MIPOL1: variants seen among roughly 807,000 people sequenced by gnomAD.
The protein encoded by MIPOL1 is mirror-image polydactyly gene 1 protein.
MIPOL1 carries 57 observed loss-of-function variants against 60.9 expected under a neutral mutation model. The ratio of observed to expected loss-of-function variants is 0.94; its 90% CI spans 0.76 to 1.17. The LOEUF is 1.17. MIPOL1 is among the 50% of genes most tolerant of loss of function. The pLI, the probability that MIPOL1 is intolerant of heterozygous loss-of-function variation, is 0.00. For synonymous variants in MIPOL1, 179 were observed against 168.8 expected (o/e 1.06, Z -0.47); for missense variants, 551 against 511.6 (o/e 1.08, Z -0.74).
intron 6 of MIPOL1, among the ~76,000 whole-genome samples, 153 bp from the exon 7 acceptor site, chr14:37,285,165 A>G (rs1471737382): frequency 1.3e-5 from 2 of 152,202 alleles, no homozygotes; most frequent in East Asian, 3.8e-4. Flanking sequence ...CCTATTATTA[A>G]AAATAATATT....
At chr14:37,441,237 T>C (rs2094239748) in intron 11 of MIPOL1, among the ~76,000 whole-genome samples, 1 of 152,172 alleles carries the variant, frequency 6.6e-6, no homozygotes. Flanking sequence ...AGCTTTTTAG[T>C]TTAATCAAGT....
At position 37,291,968 on chromosome 14, in the gene MIPOL1, C is replaced by G. The variant is rs565161488; in HGVS notation, c.623+6521C>G. Among the ~76,000 whole-genome samples the G allele has an allele frequency of 8.5e-3, 1,211 of 141,702 alleles. 16 individuals are homozygous for G. The highest frequency in any genetic ancestry group is 0.029 in the African/African-American group (1,080 of 37,454). The allele number at this position is 141,702 out of a possible 152,430, so 93.0% of individuals were successfully genotyped here. ...AGAGAAGGAGTCTCACTCTGTCACCCAGGCTGGAGTGCAATGGTGCAATCT... is the reference window on the plus strand; with the variant it reads ...AGAGAAGGAGTCTCACTCTGTCACCGAGGCTGGAGTGCAATGGTGCAATCT... On this transcript the variant is annotated intron_variant, in intron 7 of 12. Transcript: ENST00000684589.
At chr14:37,297,163 A>G (rs1239044667) in intron 7 of MIPOL1, among the ~76,000 whole-genome samples, 3 of 152,236 alleles carry the variant, frequency 2.0e-5, no homozygotes, top group African/African-American at 4.8e-5. Context: ...ACGCAAATCA[A>G]TAAACATAAT....
chr14:37,502,749 A>T (rs1477308851), intron 12 of MIPOL1: 1 of 152,244 alleles, frequency 6.6e-6, no homozygotes, highest in Non-Finnish European at 1.5e-5. Flanking sequence ...CAGCAATGGA[A>T]CAAAGCTAGA....
In MIPOL1 at chr14:37,275,879, A is replaced by G. The variant is rs1346008376; in HGVS notation, c.493+5354A>G. The stretch of plus-strand genomic sequence containing the variant: ...GCATGGAGAGATTATGAATGACAGA[A>G]CAACTCCTGTAGAATAATAATCAGT... On this transcript the variant is annotated intron_variant, in intron 6 of 12. Coordinates refer to ENST00000684589, the MANE Select transcript of MIPOL1 (RefSeq NM_001388067.1). 4.6e-5 allele frequency among the ~76,000 whole-genome samples: 7 copies of G among 151,274 alleles called. No individual in the cohort carries two copies. The South Asian group carries it at 1.2e-3, about 27-fold the overall frequency.
chr14:37,200,106 G>A (rs576338624), intron 1 of MIPOL1, among the ~76,000 whole-genome samples: 17 of 152,266 alleles, frequency 1.1e-4, no homozygotes, highest in Admixed American at 4.6e-4. Context: ...TGTGTTTACT[G>A]GCATTTGGAT....
At chr14:37,258,693 G>A (rs1233080316) in intron 3 of MIPOL1, among the ~76,000 whole-genome samples, 1 of 152,036 alleles carries the variant, frequency 6.6e-6, no homozygotes, top group Admixed American at 6.6e-5. Flanking sequence ...GCCTTCATAT[G>A]GTGAAGGATG....
chr14:37,440,199 A>C (rs752444552), intron 11 of MIPOL1, among the ~76,000 whole-genome samples: 1 of 152,274 alleles, frequency 6.6e-6, no homozygotes. Context: ...AAAACTTCCA[A>C]TTGTTTCATG....
At chr14:37,465,274 A>C (rs1044658757) in intron 11 of MIPOL1, among the ~76,000 whole-genome samples, 1 of 152,188 alleles carries the variant, frequency 6.6e-6, no homozygotes, top group African/African-American at 2.4e-5. Flanking sequence ...AAAGTGATAC[A>C]ATACTGAAAT....
rs150193479 is a variant in MIPOL1 at position 37,198,817 on chromosome 14, A to G, written c.-199+713A>G. On this transcript the variant is annotated intron_variant, in intron 1 of 12. Coordinates refer to ENST00000684589, the MANE Select transcript of MIPOL1 (RefSeq NM_001388067.1). ...CCAAAACAAAGGGCCAAACAAAACT[A>G]CATTTCAAGGAGGTGTTCTTTTCTT... Among the ~76,000 whole-genome samples the G allele has an allele frequency of 6.4e-3, 972 of 152,304 alleles. 14 individuals are homozygous for G. The highest frequency in any genetic ancestry group is 0.022 in the African/African-American group (922 of 41,564).
chr14:37,370,558 A>G (rs1280777604), intron 10 of MIPOL1, among the ~76,000 whole-genome samples: 3 of 152,198 alleles, frequency 2.0e-5, no homozygotes, highest in Non-Finnish European at 2.9e-5. Context: ...CTAAGCTGGA[A>G]TCATGTACCA....
intron 10 of MIPOL1, among the ~76,000 whole-genome samples, chr14:37,373,228 C>T (rs529240619): frequency 6.6e-6 from 1 of 152,204 alleles, no homozygotes; most frequent in South Asian, 2.1e-4. Context: ...GTCTCGAGCT[C>T]CTGGCCTCAA....
At chr14:37,507,421 G>A (rs770269363) in intron 12 of MIPOL1, 5 of 152,124 alleles carry the variant, frequency 3.3e-5, no homozygotes, top group Non-Finnish European at 5.9e-5. Context: ...ATACTATGCA[G>A]CCATAAAAAA....
intron 11 of MIPOL1, among the ~76,000 whole-genome samples, chr14:37,455,652 CCAGT>C (rs1165590813): frequency 6.6e-6 from 1 of 152,044 alleles, no homozygotes; most frequent in Non-Finnish European, 1.5e-5. Context: ...CTCTCATTCA[CCAGT>C]CAAATTAGGT....
chr14:37,515,556 C>G (rs901280030), intron 12 of MIPOL1, among the ~76,000 whole-genome samples: 1 of 152,150 alleles, frequency 6.6e-6, no homozygotes, highest in Non-Finnish European at 1.5e-5. Context: ...TGTTATATCT[C>G]TTTCTGTTAC....
At chr14:37,302,255 A>G (rs1394971225) in intron 7 of MIPOL1, among the ~76,000 whole-genome samples, 1 of 120,662 alleles carries the variant, frequency 8.3e-6, no homozygotes, top group Non-Finnish European at 1.6e-5. Context: ...AAGCATTTGG[A>G]ACTGTTGTTT....
At chr14:37,392,764 A>G (rs1461967384) in intron 10 of MIPOL1, among the ~76,000 whole-genome samples, 1 of 152,150 alleles carries the variant, frequency 6.6e-6, no homozygotes, top group Non-Finnish European at 1.5e-5. Context: ...CTTTTTCAGC[A>G]TCAGTTGGGC....
At chr14:37,346,508 C>G (rs2090955146) in intron 9 of MIPOL1, among the ~76,000 whole-genome samples, 1 of 152,046 alleles carries the variant, frequency 6.6e-6, no homozygotes, top group Non-Finnish European at 1.5e-5. Context: ...ATGCTTATCT[C>G]TTTATTTACA....
At chr14:37,349,643 T>C (rs2091204275) in intron 9 of MIPOL1, among the ~76,000 whole-genome samples, 2 of 152,342 alleles carry the variant, frequency 1.3e-5, no homozygotes, top group Admixed American at 6.5e-5. Context: ...TTCTCAATTA[T>C]GTCTTTTCTA....
Sources: gnomAD v4.1 joint callset for allele counts (sites outside exome capture counted in the v4.1 genomes callset) on GRCh38, gnomAD v4.1.1 for gene constraint, MANE v1.5 for transcripts, NCBI Gene and HGNC (gene_info 2026-07-23, HGNC 2026-07-21) for gene names.